RNF31: variants seen among roughly 807,000 people sequenced by gnomAD.
RNF31 encodes ring finger protein 31.
RNF31 carries 38 observed loss-of-function variants against 133.6 expected under a neutral mutation model. That is an observed-to-expected ratio of 0.28 (90% CI 0.22 to 0.37). The LOEUF (loss-of-function observed/expected upper bound fraction) is 0.37, where lower values mean the gene tolerates loss of function less well. RNF31 is among the 10% of genes least tolerant of loss of function. The pLI, the probability that RNF31 is intolerant of heterozygous loss-of-function variation, is 1.00. For synonymous variants in RNF31, 582 were observed against 552.3 expected, an observed-to-expected ratio of 1.05 and a Z score of -0.75; for missense variants, 1,118 against 1,394.1, an observed-to-expected ratio of 0.80 and a Z score of 3.15.
In RNF31 at chr14:24,160,190, A is replaced by C. The variant is rs1201786041; in HGVS notation, c.2997-49A>C. On this transcript the variant is annotated intron_variant, in intron 19 of 20. Coordinates refer to ENST00000324103, the MANE Select transcript of RNF31 (RefSeq NM_017999.5). The surrounding 1 kb of genome is among the most constrained non-coding windows in gnomAD (Gnocchi z 4.0). ...GAGTCCAGCTATGTTAGACACACTCAGTTAATATTAGCCAACACAACAAAT... is the reference window on the plus strand; with the variant it reads ...GAGTCCAGCTATGTTAGACACACTCCGTTAATATTAGCCAACACAACAAAT... The C allele has an allele frequency of 1.3e-6, 2 of 1,574,816 alleles. No individual in the cohort carries two copies. Among genetic ancestry groups the C allele is most frequent in the African/African-American group, 2.7e-5 (2 of 74,476 alleles).
At chr14:24,158,643 T>A (rs1237277790) in intron 18 of RNF31, 2 of 161,366 alleles carry the variant, frequency 1.2e-5, no homozygotes, top group Non-Finnish European at 2.7e-5. Context: ...TGATCTTTTC[T>A]GATCTTGGAG....
In RNF31 at chr14:24,148,860, C is replaced by CA; in HGVS notation, c.616dup (p.Thr206AsnfsTer28). 3 of 1,614,096 alleles carry CA rather than the reference C, an allele frequency of 1.9e-6. No homozygotes were observed. Among genetic ancestry groups the CA allele is most frequent in the Non-Finnish European group, 2.5e-6 (3 of 1,179,922 alleles). ...GAGAGATTGCTCCTGGCCCCCTCAC[C>CA]ACACCCTCTGTCCCAGGTATTATTG... On this transcript the variant is annotated frameshift_variant, in exon 5 of 21. Transcript: ENST00000324103. LOFTEE classifies it high-confidence loss of function.
At position 24,158,187 on chromosome 14, in the gene RNF31, G is replaced by GCAGTCCCTGGAGGTGAGTGTTAGGA; in HGVS notation, c.2890_2899+15dup. On this transcript the variant is annotated stop_gained and frameshift_variant, in exon 18 of 21. Coordinates refer to ENST00000324103, the MANE Select transcript of RNF31 (RefSeq NM_017999.5). LOFTEE classifies it high-confidence loss of function. ...TACAGAGCCTCCAGCTGGGGCCCGGGCAGTCCCTGGAGGTGAGTGTTAGGA... is the reference window on the plus strand; with the variant it reads ...TACAGAGCCTCCAGCTGGGGCCCGGGCAGTCCCTGGAGGTGAGTGTTAGGACAGTCCCTGGAGGTGAGTGTTAGGA... The GCAGTCCCTGGAGGTGAGTGTTAGGA allele has an allele frequency of 1.2e-6, 2 of 1,614,194 alleles. No homozygotes were observed. The highest frequency in any genetic ancestry group is 1.7e-6 in the Non-Finnish European group (2 of 1,180,016).
chr14:24,149,998 A>T, intron 6 of RNF31, 63 bp from the exon 7 acceptor site: 1 of 1,506,548 alleles, frequency 6.6e-7, no homozygotes, highest in East Asian at 2.3e-5. Flanking sequence ...GAGAATGCTT[A>T]GAGGTGAGGG....
rs770437488 is a variant in RNF31, at chr14:24,150,094, G to C, written c.843G>C (p.Ser281=). The C allele has an allele frequency of 6.3e-6, 10 of 1,596,270 alleles. No individual in the cohort carries two copies. The highest frequency in any genetic ancestry group is 1.3e-5 in the African/African-American group (1 of 74,724). ...LPASAQPRPQ[S]TSLLALGDSS... ...CCTCAGCCCAACCACGGCCCCAGTC[G>C]ACCTCCCTGCTGGCCCTGGGAGACA... Residue 281 remains serine (S), a synonymous_variant, in exon 7 of 21, where the codon TCG becomes TCC. Transcript: ENST00000324103.
rs367736514 is a variant in RNF31 at position 24,158,189 on chromosome 14, A to G, written c.2889A>G (p.Ala963=). ...CAGAGCCTCCAGCTGGGGCCCGGGC[A>G]GTCCCTGGAGGTGAGTGTTAGGACA... The part of the protein sequence containing the change: ...FNTEPPAGAR[A]VPGGGCRVIE... The change falls in exon 18 of 21, where the codon GCA becomes GCG. Residue 963 remains alanine, a synonymous_variant. Transcript: ENST00000324103. 6.8e-6 allele frequency: 11 copies of G among 1,614,084 alleles called. No individual in the cohort carries two copies. The highest frequency in any genetic ancestry group is 2.7e-5 in the African/African-American group (2 of 74,946).
At chr14:24,147,366 C>T, upstream of RNF31, 2 of 252,590 alleles carry the variant, frequency 7.9e-6, no homozygotes, top group Non-Finnish European at 1.5e-5. Flanking sequence ...AGCCAGGAGC[C>T]ATTTGCCTTC....
In RNF31 at chr14:24,150,889, G is replaced by C; in HGVS notation, c.1488+1G>C. ...CCTCCAGCTAGTGAGCATGATCCGG[G>C]TAAGGACTGGGCCTGCGATGAGGTA... On this transcript the variant is annotated splice_donor_variant, in intron 8 of 20. Coordinates refer to ENST00000324103, the MANE Select transcript of RNF31 (RefSeq NM_017999.5). LOFTEE classifies it high-confidence loss of function. The C allele has an allele frequency of 6.4e-7, 1 of 1,551,686 alleles. No homozygotes were observed. Among genetic ancestry groups the C allele is most frequent in the Non-Finnish European group, 8.7e-7 (1 of 1,148,532 alleles).
At position 24,147,651 on chromosome 14, in the gene RNF31, C is replaced by T. The variant is rs902348293; in HGVS notation, c.-48C>T. The T allele has an allele frequency of 2.0e-5, 27 of 1,361,928 alleles. 1 individual carries two copies. In the Middle Eastern group the frequency reaches 2.2e-3, roughly 109 times the overall value. 84.4% of individuals were successfully genotyped at this position (1,361,928 alleles called of 1,614,324 possible). A position where few individuals can be genotyped will look rare whatever the true frequency, so the allele number is the denominator to read the frequency against. The stretch of plus-strand genomic sequence containing the variant: ...CGGCGCTCGGGCCGCGCGCTGCCCG[C>T]GCCGGGTCCTGGCGGGCGGCGAGGC... On this transcript the variant is annotated 5_prime_UTR_variant, in exon 1 of 21. Coordinates refer to ENST00000324103, the MANE Select transcript of RNF31 (RefSeq NM_017999.5).
intron 18 of RNF31, among the ~76,000 whole-genome samples, chr14:24,159,322 A>C (rs147338702): frequency 0.028 from 4,152 of 145,876 alleles, 219 homozygotes; most frequent in African/African-American, 0.1. Flanking sequence ...ACTCCAGTCC[A>C]GCCTGGGCAA....
intron 11 of RNF31, among the ~76,000 whole-genome samples, chr14:24,154,575 G>C (rs1486058115): frequency 6.6e-6 from 1 of 152,170 alleles, no homozygotes; most frequent in Non-Finnish European, 1.5e-5. Flanking sequence ...AGCGTGCCCG[G>C]CCCCCAGTGG....
In RNF31 at chr14:24,157,583, C is replaced by T. The variant is rs747899002; in HGVS notation, c.2672C>T (p.Thr891Ile). The T allele has an allele frequency of 3.7e-6, 6 of 1,614,032 alleles. No homozygotes were observed. Among genetic ancestry groups the T allele is most frequent in the African/African-American group, 2.7e-5 (2 of 74,924 alleles). ...GGAGGCTGCATGCACTTTCACTGTA[C>T]CCAGTGCCGCCACCAGTTCTGCAGC... ...ARGGCMHFHC[T>I]QCRHQFCSGC... Residue 891 changes from threonine (T) to isoleucine (I), a missense_variant, in exon 16 of 21, where the codon ACC (threonine) becomes ATC (isoleucine). Coordinates refer to ENST00000324103, the MANE Select transcript of RNF31 (RefSeq NM_017999.5).
At position 24,150,774 on chromosome 14, in the gene RNF31, G is replaced by T; in HGVS notation, c.1374G>T (p.Lys458Asn). ...GCTCTTTGGAAAAGGGACCCCCCAA[G>T]CCTGGGCCCCCACGACGCCTTAGTG... ...YASSLEKGPP[K>N]PGPPRRLSAP... Residue 458 changes from lysine to asparagine, a missense_variant, in exon 8 of 21, where the codon AAG (lysine) becomes AAT (asparagine). By Grantham distance (94) the Lys-to-Asn change is moderately conservative. This residue lies in a region of RNF31 where 747 missense variants were observed against 827.9 expected (regional missense o/e 0.90). Coordinates refer to ENST00000324103, the MANE Select transcript of RNF31 (RefSeq NM_017999.5). 6.2e-7 allele frequency: 1 copy of T among 1,610,546 alleles called. No individual in the cohort carries two copies. Among genetic ancestry groups the T allele is most frequent in the Non-Finnish European group, 8.5e-7 (1 of 1,178,336 alleles).
chr14:24,150,924 TG>T, intron 8 of RNF31, 36 bp downstream of exon 8: 5 of 1,534,924 alleles, frequency 3.3e-6, no homozygotes, highest in Non-Finnish European at 3.5e-6. Context: ...AGGGCTGAGC[TG>T]GTCTGGGAAA....
In RNF31 at chr14:24,155,233, A is replaced by C; in HGVS notation, c.2207A>C (p.Glu736Ala). ...CAGCACTTCACCATCGCCTTGAAGGAGAAGCACATCACAGACATGGTGTGC... is the reference window on the plus strand; with the variant it reads ...CAGCACTTCACCATCGCCTTGAAGGCGAAGCACATCACAGACATGGTGTGC... The part of the protein sequence containing the change: ...FRQHFTIALK[E>A]KHITDMVCPA... The change falls in exon 12 of 21, where the codon GAG becomes GCG. Residue 736 changes from glutamate (E) to alanine (A), a missense_variant. Transcript: ENST00000324103. The surrounding 1 kb of genome is among the most constrained non-coding windows in gnomAD (Gnocchi z 4.9). 1 of 1,614,112 alleles carries C rather than the reference A, an allele frequency of 6.2e-7. No homozygotes were observed. The highest frequency in any genetic ancestry group is 8.5e-7 in the Non-Finnish European group (1 of 1,180,018).
At chr14:24,159,559 A>G (rs934644871) in intron 18 of RNF31, among the ~76,000 whole-genome samples, 1 of 149,478 alleles carries the variant, frequency 6.7e-6, no homozygotes, top group Non-Finnish European at 1.5e-5. Flanking sequence ...ATAATAAGTT[A>G]ACTAGTCAAG....
At position 24,151,104 on chromosome 14, in the gene RNF31, C is replaced by T. The variant is rs370170088; in HGVS notation, c.1489-27C>T. On this transcript the variant is annotated intron_variant, in intron 8 of 20. Coordinates refer to ENST00000324103, the MANE Select transcript of RNF31 (RefSeq NM_017999.5). The surrounding 1 kb of genome is among the most constrained non-coding windows in gnomAD (Gnocchi z 5.3). The stretch of plus-strand genomic sequence containing the variant: ...GGCTGAGGGTGGGTGAAGGGTGCCC[C>T]TCCTGATGGGCGGGACTGTGCCTTA... 3 of 1,610,602 alleles carry T rather than the reference C, an allele frequency of 1.9e-6. No homozygotes were observed. Among genetic ancestry groups the T allele is most frequent in the Non-Finnish European group, 2.5e-6 (3 of 1,177,752 alleles).
chr14:24,157,859 A>C, intron 16 of RNF31, 39 bp from the exon 17 acceptor site: 2 of 1,561,548 alleles, frequency 1.3e-6, no homozygotes, highest in South Asian at 2.2e-5. Flanking sequence ...GGACCCCAAC[A>C]GTCTCCAACT....
chr14:24,157,278 TC>T lies in RNF31; in HGVS notation c.2494-9del. On this transcript the variant is annotated splice_polypyrimidine_tract_variant and intron_variant, in intron 14 of 20. Transcript: ENST00000324103. ...TAGAGCTCCCATGTGAAGCCTACTT[TC>T]CCTCTGGCAGTGGGAGGAGCAGCAC... 1 of 1,588,976 alleles carries T rather than the reference TC, an allele frequency of 6.3e-7. No homozygotes were observed. Among genetic ancestry groups the T allele is most frequent in the Non-Finnish European group, 8.6e-7 (1 of 1,163,550 alleles).
Sources: allele counts gnomAD v4.1 joint callset (sites outside exome capture counted in the v4.1 genomes callset), GRCh38; gene constraint gnomAD v4.1.1; regional missense constraint gnomAD v4.1.1; non-coding constraint Gnocchi (gnomAD v3.1); transcripts MANE v1.5; gene names NCBI Gene and HGNC (gene_info 2026-07-23, HGNC 2026-07-21).